The following ADAMTS16 variants were observed in gnomAD, a reference collection of about 807,000 sequenced individuals.
The protein encoded by ADAMTS16 is ADAM metallopeptidase with thrombospondin type 1 motif 16, also known as A disintegrin and metalloproteinase with thrombospondin motifs 16.
Under a neutral mutation model 145.8 loss-of-function variants are expected in ADAMTS16, and 94 were observed. The ratio of observed to expected loss-of-function variants is 0.64; its 90% CI spans 0.55 to 0.77. The LOEUF is 0.77. Ranked by LOEUF, ADAMTS16 falls within the 30% of genes least tolerant of loss-of-function variation. ADAMTS16 has a pLI of 0.00. For synonymous variants in ADAMTS16, 659 were observed against 604.3 expected (o/e 1.09, Z -1.33); for missense variants, 1,585 against 1,591.5 (o/e 1.00, Z 0.07).
Position 5,211,625 on chromosome 5 carries a change from G to C in ADAMTS16, c.1605+2379G>C, listed in dbSNP as rs953225438. Among the ~76,000 whole-genome samples, 4 of 151,952 alleles carry C rather than the reference G, an allele frequency of 2.6e-5. No homozygotes were observed. In the East Asian group the frequency reaches 7.7e-4, roughly 29 times the overall value. ...TGTCTTTTTCGTGCCCTTTGAAGTA[G>C]CAGCTTGAATCATTGACTTTAAACC... On this transcript the variant is annotated intron_variant, in intron 10 of 22. Transcript: ENST00000274181.
chr5:5,303,831 C>T, intron 20 of ADAMTS16, 65 bp downstream of exon 20: 1 of 1,543,068 alleles, frequency 6.5e-7, no homozygotes, highest in Admixed American at 1.8e-5. Flanking sequence ...CCTCTTCTCT[C>T]CTGGTTTTTC....
intron 11 of ADAMTS16, 72 bp from the exon 12 acceptor site, chr5:5,232,296 T>C: frequency 1.9e-6 from 3 of 1,580,932 alleles, no homozygotes; most frequent in Non-Finnish European, 2.6e-6. Context: ...CTCAGCCTTA[T>C]AGCAGTGATG....
intron 2 of ADAMTS16, among the ~76,000 whole-genome samples, chr5:5,144,669 G>T (rs1483602358): frequency 1.3e-5 from 2 of 152,166 alleles, no homozygotes; most frequent in Admixed American, 1.3e-4. Flanking sequence ...TTTATTTCCT[G>T]ATATCAGCAG....
At chr5:5,312,234 C>T (rs927431241) in intron 21 of ADAMTS16, among the ~76,000 whole-genome samples, 21 of 152,086 alleles carry the variant, frequency 1.4e-4, no homozygotes, top group African/African-American at 9.7e-5. Flanking sequence ...CCAGATGCAG[C>T]TTTTTCATTT....
At chr5:5,175,041 A>G (rs577479597) in intron 3 of ADAMTS16, among the ~76,000 whole-genome samples, 1 of 152,244 alleles carries the variant, frequency 6.6e-6, no homozygotes, top group African/African-American at 2.4e-5. Flanking sequence ...AATCCCCATT[A>G]CTTTTCCTCC....
At chr5:5,274,542 T>C (rs1738609231) in intron 18 of ADAMTS16, among the ~76,000 whole-genome samples, 1 of 152,200 alleles carries the variant, frequency 6.6e-6, no homozygotes, top group Non-Finnish European at 1.5e-5. Context: ...CATTTTTTCT[T>C]AGCATTGGAT....
chr5:5,191,800 T>A lies in ADAMTS16; in HGVS notation c.1313+10T>A. The stretch of plus-strand genomic sequence containing the variant: ...ATGAGTCTGGACACAAGTAAGTGCA[T>A]CTCCATGGGAGGATGGCATCCCGAG... On this transcript the variant is annotated intron_variant, in intron 8 of 22. Coordinates refer to ENST00000274181, the MANE Select transcript of ADAMTS16 (RefSeq NM_139056.4). 6.3e-7 allele frequency: 1 copy of A among 1,593,568 alleles called. No homozygotes were observed. The highest frequency in any genetic ancestry group is 1.1e-5 in the South Asian group (1 of 87,790).
intron 17 of ADAMTS16, among the ~76,000 whole-genome samples, chr5:5,250,292 A>G (rs2126407167): frequency 6.6e-6 from 1 of 152,294 alleles, no homozygotes; most frequent in Non-Finnish European, 1.5e-5. Flanking sequence ...GAGAGGATTT[A>G]GGGAGAAATC....
intron 18 of ADAMTS16, among the ~76,000 whole-genome samples, chr5:5,275,551 A>C (rs1481529575): frequency 2.0e-5 from 3 of 151,898 alleles, no homozygotes. Context: ...TTGTTTTTCC[A>C]TTTTTTCTCT....
chr5:5,235,154 A>C lies in ADAMTS16; in HGVS notation c.1991A>C (p.His664Pro). The change falls in exon 13 of 23, where the codon CAC becomes CCC. Residue 664 changes from histidine (H) to proline (P), a missense_variant. Transcript: ENST00000274181. ...AACAGCAGACGATTCAGAGGGCGGCACTACAAGTGGAAGCCTTACACTCAA... is the reference window on the plus strand; with the variant it reads ...AACAGCAGACGATTCAGAGGGCGGCCCTACAAGTGGAAGCCTTACACTCAA... Reference protein sequence around the residue: ...EHNSRRFRGRHYKWKPYTQVE... With the variant: ...EHNSRRFRGRPYKWKPYTQVE... The C allele has an allele frequency of 6.3e-7, 1 of 1,586,050 alleles. No homozygotes were observed.
At chr5:5,168,015 G>GAAGGCTTCAT (rs1326561371) in intron 3 of ADAMTS16, among the ~76,000 whole-genome samples, 2 of 152,160 alleles carry the variant, frequency 1.3e-5, no homozygotes, top group African/African-American at 4.8e-5. Context: ...CCCACATCTG[G>GAAGGCTTCAT]AAGGCTTCAT....
intron 17 of ADAMTS16, among the ~76,000 whole-genome samples, chr5:5,245,835 TC>T (rs1225015056): frequency 6.6e-6 from 1 of 152,210 alleles, no homozygotes; most frequent in Non-Finnish European, 1.5e-5. Context: ...AGCTTCTTCT[TC>T]CCTTTTGACA....
rs1254715236 is a variant in ADAMTS16, at chr5:5,185,070, C to T, written c.764-982C>T. On this transcript the variant is annotated intron_variant, in intron 4 of 22. Coordinates refer to ENST00000274181, the MANE Select transcript of ADAMTS16 (RefSeq NM_139056.4). ...CTGCACGAGTTACACAGAGACATCT[C>T]CTAGGGTGGAGCTCACACCTGCGGG... Among the ~76,000 whole-genome samples, 11 of 152,268 alleles carry T rather than the reference C, an allele frequency of 7.2e-5. No homozygotes were observed. The East Asian group carries it at 2.1e-3, about 29-fold the overall frequency.
intron 3 of ADAMTS16, among the ~76,000 whole-genome samples, chr5:5,157,907 C>A (rs1734641249): frequency 6.6e-6 from 1 of 152,204 alleles, no homozygotes; most frequent in Admixed American, 6.5e-5. Flanking sequence ...GGGCAAGGGG[C>A]CTGCACCAAC....
chr5:5,204,292 G>C (rs936589597), intron 9 of ADAMTS16, among the ~76,000 whole-genome samples: 1 of 152,144 alleles, frequency 6.6e-6, no homozygotes, highest in African/African-American at 2.4e-5. Flanking sequence ...TGATACTTTT[G>C]ACCTTCCTTA....
At chr5:5,296,868 A>G (rs116681197) in intron 18 of ADAMTS16, among the ~76,000 whole-genome samples, 3,401 of 152,314 alleles carry the variant, frequency 0.022, 120 homozygotes, top group African/African-American at 0.078. Flanking sequence ...TGTTACCACC[A>G]CAGTAGTTTT....
chr5:5,213,090 A>G (rs1427493043), intron 10 of ADAMTS16, among the ~76,000 whole-genome samples: 6 of 152,228 alleles, frequency 3.9e-5, no homozygotes, highest in Non-Finnish European at 1.5e-5. Context: ...TCCTTGCACT[A>G]TCATTGACAT....
rs1416312003 is a variant in ADAMTS16 at position 5,269,427 on chromosome 5, C to T, written c.2789+6644C>T. ...GGATGGTACACAATCCTTACACCTG[C>T]CCCTGGGTCATTTGCTCCCCACCTC... On this transcript the variant is annotated intron_variant, in intron 18 of 22. Coordinates refer to ENST00000274181, the MANE Select transcript of ADAMTS16 (RefSeq NM_139056.4). The surrounding 1 kb of genome is among the most constrained non-coding windows in gnomAD (Gnocchi z 4.3). Among the ~76,000 whole-genome samples, 3 of 152,124 alleles carry T rather than the reference C, an allele frequency of 2.0e-5. No individual in the cohort carries two copies. Among genetic ancestry groups the T allele is most frequent in the Admixed American group, 6.5e-5 (1 of 15,280 alleles).
chr5:5,154,872 A>G (rs1227138276), intron 3 of ADAMTS16, among the ~76,000 whole-genome samples: 2 of 152,172 alleles, frequency 1.3e-5, no homozygotes, highest in Admixed American at 6.5e-5. Context: ...CTCAGACCTG[A>G]AACTTGATTC....
Sources: gnomAD v4.1 joint callset for allele counts (sites outside exome capture counted in the v4.1 genomes callset) on GRCh38, gnomAD v4.1.1 for gene constraint, Gnocchi (gnomAD v3.1) non-coding constraint, MANE v1.5 for transcripts, NCBI Gene and HGNC (gene_info 2026-07-23, HGNC 2026-07-21) for gene names.